SYK: variants seen among roughly 807,000 people sequenced by gnomAD.
The protein encoded by SYK is spleen associated tyrosine kinase, also known as tyrosine-protein kinase SYK.
In SYK, 16 loss-of-function variants were observed where a neutral mutation model predicts 77.8. The ratio of observed to expected loss-of-function variants is 0.21; its 90% CI spans 0.14 to 0.31. The LOEUF is 0.31. Ranked by LOEUF, SYK falls within the 10% of genes least tolerant of loss-of-function variation. SYK has a pLI of 1.00. For missense variants in SYK, 529 were observed against 814.4 expected (o/e 0.65, Z 4.26); for synonymous variants, 312 against 308.7 (o/e 1.01, Z -0.11).
intron 7 of SYK, among the ~76,000 whole-genome samples, chr9:90,870,636 C>A (rs958981063): frequency 6.6e-6 from 1 of 152,166 alleles, no homozygotes; most frequent in African/African-American, 2.4e-5. Flanking sequence ...TTGCAGAGGT[C>A]AAGTGTTATT....
chr9:90,887,901 C>A lies in SYK; in HGVS notation c.1722+12C>A. On this transcript the variant is annotated intron_variant, in intron 12 of 13. Coordinates refer to ENST00000375754, the MANE Select transcript of SYK (RefSeq NM_003177.7). ...AGAAGCCATATCGAGTGAGCCAGTC[C>A]TGCTTCATTTTCTCACTGTGGGGCC... 4 of 1,570,218 alleles carry A rather than the reference C, an allele frequency of 2.5e-6. No individual in the cohort carries two copies. The highest frequency in any genetic ancestry group is 3.5e-6 in the Non-Finnish European group (4 of 1,154,296).
chr9:90,811,868 G>A (rs1451783183), intron 1 of SYK, among the ~76,000 whole-genome samples: 1 of 151,068 alleles, frequency 6.6e-6, no homozygotes, highest in Non-Finnish European at 1.5e-5. Context: ...CAAGGCTGCA[G>A]TGAGCTGAGA....
intron 1 of SYK, among the ~76,000 whole-genome samples, chr9:90,820,416 A>G (rs1324598306): frequency 2.6e-5 from 4 of 152,152 alleles, no homozygotes; most frequent in African/African-American, 7.2e-5. Context: ...ATTTTCATAC[A>G]TCTTCTGAAG....
chr9:90,847,005 C>G (rs918586662), intron 3 of SYK, among the ~76,000 whole-genome samples: 25 of 152,250 alleles, frequency 1.6e-4, no homozygotes. Flanking sequence ...GTTAAGAAGC[C>G]TGCTCATAGC....
At position 90,853,654 on chromosome 9, in the gene SYK, A is replaced by T. The variant is rs1370837636; in HGVS notation, c.578+8060A>T. On this transcript the variant is annotated intron_variant, in intron 3 of 13. Transcript: ENST00000375754. ...ACAAACACCGCATGTTCTCACTCAT[A>T]GGTGGGAACTGAACATTGAGAACAC... Among the ~76,000 whole-genome samples the T allele has an allele frequency of 2.6e-5, 4 of 151,996 alleles. No homozygotes were observed. In the East Asian group the frequency reaches 7.8e-4, roughly 30 times the overall value.
chr9:90,824,285 C>T (rs978650439), intron 1 of SYK, among the ~76,000 whole-genome samples: 3 of 152,138 alleles, frequency 2.0e-5, no homozygotes, highest in Middle Eastern at 3.2e-3. Flanking sequence ...GATGGGTCCA[C>T]TAGTGAATTC....
At chr9:90,825,012 A>C (rs1487258147) in intron 1 of SYK, among the ~76,000 whole-genome samples, 6 of 152,170 alleles carry the variant, frequency 3.9e-5, no homozygotes, top group Admixed American at 6.5e-5. Flanking sequence ...GTGAGTCTAC[A>C]GGATGCTAGA....
intron 3 of SYK, among the ~76,000 whole-genome samples, chr9:90,849,957 A>G (rs1826752474): frequency 6.6e-6 from 1 of 152,260 alleles, no homozygotes; most frequent in Admixed American, 6.5e-5. Context: ...ACTTGGATAC[A>G]TCAGTAACAT....
rs576587051 is a variant in SYK, at chr9:90,805,261, C to T, written c.-42+3368C>T. ...GGAGTACTGTGAGCTTTCTGGTCCT[C>T]TGCTCAGAGGTGTCTAGCTCTGAAA... On this transcript the variant is annotated intron_variant, in intron 1 of 13. Coordinates refer to ENST00000375754, the MANE Select transcript of SYK (RefSeq NM_003177.7). Among the ~76,000 whole-genome samples, 9 of 152,302 alleles carry T rather than the reference C, an allele frequency of 5.9e-5. No individual in the cohort carries two copies. The South Asian group carries it at 1.5e-3, about 25-fold the overall frequency.
At chr9:90,875,095 A>T (rs1827876297) in intron 9 of SYK, among the ~76,000 whole-genome samples, 1 of 152,084 alleles carries the variant, frequency 6.6e-6, no homozygotes. Flanking sequence ...AACAAGCAGA[A>T]ACATAAGAAA....
At chr9:90,853,118 A>G (rs1025623744) in intron 3 of SYK, among the ~76,000 whole-genome samples, 77 of 151,440 alleles carry the variant, frequency 5.1e-4, no homozygotes, top group Non-Finnish European at 1.6e-4. Context: ...TGGTGGGAAA[A>G]ATCTCTCTGG....
chr9:90,836,062 G>A (rs1382868103), intron 1 of SYK, among the ~76,000 whole-genome samples: 1 of 152,136 alleles, frequency 6.6e-6, no homozygotes, highest in Admixed American at 6.5e-5. Context: ...GCTGAGGAGG[G>A]CAGATCACGA....
At chr9:90,828,433 T>C (rs1042106286) in intron 1 of SYK, among the ~76,000 whole-genome samples, 1 of 142,494 alleles carries the variant, frequency 7.0e-6, no homozygotes. Flanking sequence ...ATCTTGTTGG[T>C]TGTTTGTGTT....
intron 1 of SYK, among the ~76,000 whole-genome samples, chr9:90,805,170 C>T (rs949398769): frequency 2.0e-5 from 3 of 152,144 alleles, no homozygotes; most frequent in East Asian, 3.8e-4. Flanking sequence ...TGGCAGCTGG[C>T]CAAAGGCAGA....
intron 1 of SYK, among the ~76,000 whole-genome samples, chr9:90,805,982 AC>A (rs1824821184): frequency 6.6e-6 from 1 of 152,222 alleles, no homozygotes. Flanking sequence ...TCCTTCTCAC[AC>A]CATCCCAGGA....
chr9:90,828,229 A>C (rs866627208), intron 1 of SYK, among the ~76,000 whole-genome samples: 1,692 of 25,034 alleles, frequency 0.068, 1 homozygote, highest in Middle Eastern at 0.12. Flanking sequence ...CTGTGGCCTC[A>C]CCCCCGCCCC....
Position 90,898,415 on chromosome 9 carries a change from C to T in SYK, c.*2815C>T, listed in dbSNP as rs533116747. 1 of 226,176 alleles carries T rather than the reference C, an allele frequency of 4.4e-6. No individual in the cohort carries two copies. Among genetic ancestry groups the T allele is most frequent in the East Asian group, 6.4e-5 (1 of 15,720 alleles). 14.0% of individuals were successfully genotyped at this position (226,176 alleles called of 1,614,324 possible). A position where few individuals can be genotyped will look rare whatever the true frequency, so the allele number is the denominator to read the frequency against. On this transcript the variant is annotated 3_prime_UTR_variant, in exon 14 of 14. Transcript: ENST00000375754. ...CTTGCAGAGGCTACAGCTGCATTGT[C>T]AGGTCTCCCAGCCCTGCAGAGAGCT...
Position 90,844,224 on chromosome 9 carries a change from G to T in SYK, c.326G>T (p.Arg109Leu), listed in dbSNP as rs756646754. The change falls in exon 2 of 14, where the codon CGG becomes CTG. Residue 109 changes from arginine (R) to leucine (L), a missense_variant. Physicochemically the swap from Arg to Leu is moderately radical, Grantham distance 102. Coordinates refer to ENST00000375754, the MANE Select transcript of SYK (RefSeq NM_003177.7). ...LVCLLKKPFN[R>L]PQGVQPKTGP... ...TGCCTCCTCAAGAAGCCCTTCAACC[G>T]GCCCCAAGGGGTGCAGCCCAAGACT... is the stretch of plus-strand genomic sequence containing the variant. 5.0e-6 allele frequency: 8 copies of T among 1,614,178 alleles called. No homozygotes were observed. The highest frequency in any genetic ancestry group is 6.8e-6 in the Non-Finnish European group (8 of 1,180,014).
chr9:90,830,472 G>A (rs1825840091), intron 1 of SYK, among the ~76,000 whole-genome samples: 1 of 152,182 alleles, frequency 6.6e-6, no homozygotes, highest in Admixed American at 6.5e-5. Context: ...GGTGCTGGGT[G>A]GGGTGGTCCC....
Sources: gnomAD v4.1 joint callset for allele counts (sites outside exome capture counted in the v4.1 genomes callset) on GRCh38, gnomAD v4.1.1 for gene constraint, MANE v1.5 for transcripts, NCBI Gene and HGNC (gene_info 2026-07-23, HGNC 2026-07-21) for gene names.